PACRG: variants seen among roughly 807,000 people sequenced by gnomAD.
The protein encoded by PACRG is parkin coregulated.
In PACRG, 29 loss-of-function variants were observed where a neutral mutation model predicts 29.7. That is an observed-to-expected ratio of 0.98 (90% CI 0.73 to 1.33). PACRG has a LOEUF of 1.33. Among genes scored for constraint, PACRG ranks in the 40% most tolerant of loss-of-function variants. The pLI is 0.00. For missense variants in PACRG, 279 were observed against 316.2 expected (o/e 0.88, Z 0.89); for synonymous variants, 116 against 118.7 (o/e 0.98, Z 0.15).
At chr6:163,044,809 C>T (rs1475447044) in intron 2 of PACRG, 1 of 152,112 alleles carries the variant, frequency 6.6e-6, no homozygotes, top group Non-Finnish European at 1.5e-5. Context: ...CCTGGGAAGA[C>T]CCTGTTGTTA....
intron 1 of PACRG, among the ~76,000 whole-genome samples, chr6:162,794,521 T>C (rs1246283569): frequency 2.6e-5 from 4 of 152,282 alleles, no homozygotes; most frequent in South Asian, 2.1e-4. Flanking sequence ...TCGTTGTCTA[T>C]CCCAAAATAA....
chr6:163,255,698 A>C (rs1783078818), intron 4 of PACRG, among the ~76,000 whole-genome samples: 1 of 152,080 alleles, frequency 6.6e-6, no homozygotes, highest in Admixed American at 6.5e-5. Context: ...GTGCAATGGC[A>C]TGATCTCAGC....
At chr6:163,143,970 C>T in intron 4 of PACRG, among the ~76,000 whole-genome samples, 1 of 152,104 alleles carries the variant, frequency 6.6e-6, no homozygotes, top group East Asian at 1.9e-4. Context: ...TGCGGTGGCT[C>T]ACATCTCTAA....
chr6:162,896,150 G>A (rs1795148758), intron 2 of PACRG, among the ~76,000 whole-genome samples: 1 of 152,208 alleles, frequency 6.6e-6, no homozygotes, highest in Non-Finnish European at 1.5e-5. Flanking sequence ...AGGCAGGGTG[G>A]TCACATGGCC....
intron 4 of PACRG, among the ~76,000 whole-genome samples, chr6:163,178,628 A>C (rs1462818988): frequency 1.3e-5 from 2 of 152,186 alleles, no homozygotes; most frequent in African/African-American, 4.8e-5. Context: ...TGTCTTACCT[A>C]AGCCAGTATT....
intron 1 of PACRG, among the ~76,000 whole-genome samples, chr6:162,754,264 C>T (rs1225803934): frequency 1.3e-5 from 2 of 152,058 alleles, no homozygotes; most frequent in African/African-American, 4.8e-5. Flanking sequence ...ATATACTTGT[C>T]AGCCATTTGT....
At chr6:162,851,801 G>A (rs546103064) in intron 2 of PACRG, among the ~76,000 whole-genome samples, 66 of 152,042 alleles carry the variant, frequency 4.3e-4, no homozygotes, top group African/African-American at 1.5e-3. Flanking sequence ...ATAACCATGT[G>A]TCCAAGAATT....
intron 4 of PACRG, among the ~76,000 whole-genome samples, chr6:163,115,838 T>C (rs925262795): frequency 1.3e-5 from 2 of 152,204 alleles, no homozygotes; most frequent in Non-Finnish European, 2.9e-5. Context: ...GTTTCAGCTC[T>C]TCACCTGCCT....
intron 4 of PACRG, among the ~76,000 whole-genome samples, chr6:163,231,191 T>A (rs1585353436): frequency 6.6e-6 from 1 of 152,204 alleles, no homozygotes; most frequent in Non-Finnish European, 1.5e-5. Context: ...CTGGGGTTTC[T>A]CCTGCCAGCA....
intron 4 of PACRG, among the ~76,000 whole-genome samples, chr6:163,140,122 C>T (rs544388349): frequency 6.6e-6 from 1 of 152,288 alleles, no homozygotes. Context: ...GCTCTATACA[C>T]GTAGACCAAG....
chr6:162,910,104 A>G (rs1050748686), intron 2 of PACRG, among the ~76,000 whole-genome samples: 1 of 152,208 alleles, frequency 6.6e-6, no homozygotes, highest in African/African-American at 2.4e-5. Flanking sequence ...TCTCATATGT[A>G]AAAAGATAGT....
At chr6:162,989,887 G>A (rs1271460052) in intron 2 of PACRG, among the ~76,000 whole-genome samples, 12 of 151,650 alleles carry the variant, frequency 7.9e-5, no homozygotes, top group Admixed American at 1.3e-4. Context: ...ATCCCTCCCC[G>A]CTCCCCCGAC....
At position 163,256,645 on chromosome 6, in the gene PACRG, G is replaced by A. The variant is rs1318155421; in HGVS notation, c.614-58182G>A. On this transcript the variant is annotated intron_variant, in intron 4 of 4. Coordinates refer to ENST00000366888, the MANE Select transcript of PACRG (RefSeq NM_001080379.2). ...CAAAGGCCCCAAGAAGGGACACGTCGGTGCCTTGAAGGAGGCCAGTGCCCG... is the reference window on the plus strand; with the variant it reads ...CAAAGGCCCCAAGAAGGGACACGTCAGTGCCTTGAAGGAGGCCAGTGCCCG... Among the ~76,000 whole-genome samples the A allele has an allele frequency of 3.3e-5, 5 of 152,272 alleles. No individual in the cohort carries two copies. The South Asian group carries it at 6.2e-4, about 19-fold the overall frequency.
intron 1 of PACRG, among the ~76,000 whole-genome samples, chr6:162,813,207 A>G (rs1787034060): frequency 6.6e-6 from 1 of 151,984 alleles, no homozygotes; most frequent in Non-Finnish European, 1.5e-5. Context: ...TAAAATAACT[A>G]AAAATATTAG....
chr6:163,191,372 T>C (rs1032144545), intron 4 of PACRG, among the ~76,000 whole-genome samples: 8 of 152,220 alleles, frequency 5.3e-5, no homozygotes, highest in Middle Eastern at 6.8e-3. Context: ...TGTCCTCTGA[T>C]CTTCCCTTTC....
At chr6:163,291,450 T>G (rs993024904) in intron 4 of PACRG, among the ~76,000 whole-genome samples, 2 of 150,132 alleles carry the variant, frequency 1.3e-5, no homozygotes, top group African/African-American at 2.5e-5. Context: ...AGATGACCCC[T>G]CTGCCCGCCC....
At position 163,016,626 on chromosome 6, in the gene PACRG, T is replaced by A. The variant is rs142890437; in HGVS notation, c.292-45524T>A. 6.2e-3 allele frequency among the ~76,000 whole-genome samples: 936 copies of A among 152,186 alleles called. 10 individuals carry two copies. The highest frequency in any genetic ancestry group is 0.021 in the African/African-American group (885 of 41,510). Reference sequence around the variant, plus strand: ...AAGATGAATATGGGGTCGAAATGAATCTAAATGAGCTAGTAAGTTTTTTTA... The same window carrying A: ...AAGATGAATATGGGGTCGAAATGAAACTAAATGAGCTAGTAAGTTTTTTTA... On this transcript the variant is annotated intron_variant, in intron 2 of 4. Coordinates refer to ENST00000366888, the MANE Select transcript of PACRG (RefSeq NM_001080379.2).
intron 4 of PACRG, among the ~76,000 whole-genome samples, chr6:163,246,519 G>A (rs1260539009): frequency 6.6e-6 from 1 of 152,264 alleles, no homozygotes; most frequent in East Asian, 1.9e-4. Flanking sequence ...TCTGAAATAT[G>A]TAATGTTTAC....
chr6:162,907,417 C>T (rs1796008254), intron 2 of PACRG, among the ~76,000 whole-genome samples: 1 of 152,024 alleles, frequency 6.6e-6, no homozygotes, highest in Admixed American at 6.6e-5. Context: ...ATATTTTTTA[C>T]ATGATCTGAA....
Sources: gnomAD v4.1 joint callset for allele counts (sites outside exome capture counted in the v4.1 genomes callset) on GRCh38, gnomAD v4.1.1 for gene constraint, MANE v1.5 for transcripts, NCBI Gene and HGNC (gene_info 2026-07-23, HGNC 2026-07-21) for gene names.